Variants in PRAG1 observed in about 807,000 individuals in gnomAD.
The protein encoded by PRAG1 is inactive tyrosine-protein kinase PRAG1.
PRAG1 carries 110 observed loss-of-function variants against 95.6 expected under a neutral mutation model. The observed-to-expected ratio is 1.15, with a 90% CI of 0.99 to 1.35. PRAG1 has a LOEUF of 1.35. Ranked by LOEUF, PRAG1 falls within the 40% of genes most tolerant of loss-of-function variation. PRAG1 has a pLI of 0.00. For missense variants in PRAG1, 2,554 were observed against 1,864.7 expected, an observed-to-expected ratio of 1.37 and a Z score of -6.81; for synonymous variants, 1,052 against 819.4, an observed-to-expected ratio of 1.28 and a Z score of -4.85.
Position 8,318,837 on chromosome 8 carries a change from G to A in PRAG1, c.3538C>T (p.Pro1180Ser). The change falls in exon 6 of 6, where the codon CCC (proline) becomes TCC (serine). Residue 1180 changes from proline to serine, a missense_variant. Physicochemically the swap from Pro to Ser is moderately conservative, Grantham distance 74. Coordinates refer to ENST00000615670, the MANE Select transcript of PRAG1 (RefSeq NM_001080826.3). The surrounding 1 kb of genome is among the most constrained non-coding windows in gnomAD (Gnocchi z 4.2). ...PAPAPAAAAP[P>S]CSSAAPPAGG... Reference sequence around the variant, plus strand: ...GCAGGCGGGGCGGCAGAGGAGCAGGGAGGCGCGGCGGCGGCGGGGGCGGGA... The same window carrying A: ...GCAGGCGGGGCGGCAGAGGAGCAGGAAGGCGCGGCGGCGGCGGGGGCGGGA... The A allele has an allele frequency of 1.5e-6, 2 of 1,297,772 alleles. No homozygotes were observed. The highest frequency in any genetic ancestry group is 2.0e-6 in the Non-Finnish European group (2 of 1,021,290). The allele number at this position is 1,297,772 out of a possible 1,614,324, so 80.4% of individuals were successfully genotyped here.
At chr8:8,337,386 G>A (rs1240115448) in intron 4 of PRAG1, among the ~76,000 whole-genome samples, 2 of 152,178 alleles carry the variant, frequency 1.3e-5, no homozygotes, top group Admixed American at 6.5e-5. Context: ...GGTGAGAAGT[G>A]AATGAAGGAT....
chr8:8,364,848 C>T (rs1799952449), intron 3 of PRAG1, among the ~76,000 whole-genome samples: 1 of 152,092 alleles, frequency 6.6e-6, no homozygotes, highest in South Asian at 2.1e-4. Flanking sequence ...CTTCTCTATT[C>T]TACATGCAAA....
At chr8:8,361,140 A>G (rs1029809698) in intron 3 of PRAG1, among the ~76,000 whole-genome samples, 1 of 152,204 alleles carries the variant, frequency 6.6e-6, no homozygotes, top group African/African-American at 2.4e-5. Flanking sequence ...CCTCAGACCC[A>G]GTTAGGGGAG....
intron 3 of PRAG1, among the ~76,000 whole-genome samples, chr8:8,354,719 A>G (rs1419724221): frequency 6.6e-6 from 1 of 152,214 alleles, no homozygotes; most frequent in Non-Finnish European, 1.5e-5. Flanking sequence ...GACAAGGTAC[A>G]GCATCCTTTC....
intron 2 of PRAG1, among the ~76,000 whole-genome samples, chr8:8,380,330 G>A (rs1297875753): frequency 6.6e-6 from 1 of 152,084 alleles, no homozygotes; most frequent in East Asian, 1.9e-4. Context: ...CAGGCGCGGT[G>A]GCTCACGCCT....
In PRAG1 at chr8:8,386,359, G is replaced by A. The variant is rs1192431545; in HGVS notation, c.-126C>T. 1 of 152,270 alleles carries A rather than the reference G, an allele frequency of 6.6e-6. No individual in the cohort carries two copies. The highest frequency in any genetic ancestry group is 1.5e-5 in the Non-Finnish European group (1 of 68,138). The allele number at this position is 152,270 out of a possible 1,614,324, so 9.4% of individuals were successfully genotyped here. A position where few individuals can be genotyped will look rare whatever the true frequency, so the allele number is the denominator to read the frequency against. ...TCCCCCGGCCCCTCCGTCGGTCTCCGAGCCGCCAGCCGCCCGGCCGGAGCA... is the reference window on the plus strand; with the variant it reads ...TCCCCCGGCCCCTCCGTCGGTCTCCAAGCCGCCAGCCGCCCGGCCGGAGCA... On this transcript the variant is annotated 5_prime_UTR_variant, in exon 1 of 6. Transcript: ENST00000615670.
rs774529128 is a variant in PRAG1 at position 8,377,440 on chromosome 8, C to G, written c.969G>C (p.Leu323=). The change falls in exon 3 of 6, where the codon CTG becomes CTC. Residue 323 remains leucine (L), a synonymous_variant. Transcript: ENST00000615670. ...AGGTGAGGGACAGTTTCTTGGGGCC[C>G]AGGCAGGATGGGTGGGCAGTGGGGC... ...SQGPTAHPSC[L]GPKKLSLTSE... 10 of 1,556,152 alleles carry G rather than the reference C, an allele frequency of 6.4e-6. No individual in the cohort carries two copies. In the Admixed American group the frequency reaches 1.9e-4, roughly 29 times the overall value.
In PRAG1 at chr8:8,319,199, G is replaced by A. The variant is rs773243396; in HGVS notation, c.3176C>T (p.Pro1059Leu). Residue 1059 changes from proline (P) to leucine (L), a missense_variant, in exon 6 of 6, where the codon CCG becomes CTG. By Grantham distance (98) the Pro-to-Leu change is moderately conservative. Coordinates refer to ENST00000615670, the MANE Select transcript of PRAG1 (RefSeq NM_001080826.3). ...QDCGHFVASV[P>L]SSMLSSPDAP... Reference sequence around the variant, plus strand: ...GTCGGGGGAGCTGAGCATGCTGGACGGCACCGAGGCGACGAAGTGGCCGCA... The same window carrying A: ...GTCGGGGGAGCTGAGCATGCTGGACAGCACCGAGGCGACGAAGTGGCCGCA... 5 of 1,592,386 alleles carry A rather than the reference G, an allele frequency of 3.1e-6. No homozygotes were observed. Among genetic ancestry groups the A allele is most frequent in the Non-Finnish European group, 4.3e-6 (5 of 1,166,444 alleles).
intron 1 of PRAG1, among the ~76,000 whole-genome samples, chr8:8,383,296 C>T (rs1018870123): frequency 3.9e-5 from 6 of 152,150 alleles, no homozygotes; most frequent in African/African-American, 9.7e-5. Context: ...TGAGGCCAGG[C>T]GCGGTGGCTC....
At chr8:8,320,282 C>A (rs1334381618) in intron 5 of PRAG1, among the ~76,000 whole-genome samples, 2 of 152,114 alleles carry the variant, frequency 1.3e-5, no homozygotes, top group Admixed American at 1.3e-4. Flanking sequence ...CAGAAGGAAC[C>A]CTCAGAGGAA....
At chr8:8,372,313 C>A (rs1373161143) in intron 3 of PRAG1, among the ~76,000 whole-genome samples, 1 of 152,196 alleles carries the variant, frequency 6.6e-6, no homozygotes, top group Non-Finnish European at 1.5e-5. Flanking sequence ...AGCCACCATG[C>A]CTGGCCAAAT....
Position 8,377,925 on chromosome 8 carries a change from C to A in PRAG1, c.484G>T (p.Val162Phe), listed in dbSNP as rs1800484536. The A allele has an allele frequency of 6.2e-7, 1 of 1,613,922 alleles. No homozygotes were observed. Among genetic ancestry groups the A allele is most frequent in the Admixed American group, 1.7e-5 (1 of 59,998 alleles). ...NSRCPPAYTM[V>F]GLHNLEPRGE... ...CGGGGCTCAAGGTTGTGCAGGCCGA[C>A]CATGGTGTAAGCTGGGGGACAGCGA... The change falls in exon 3 of 6, where the codon GTC becomes TTC. Residue 162 changes from valine (V) to phenylalanine (F), a missense_variant. Coordinates refer to ENST00000615670, the MANE Select transcript of PRAG1 (RefSeq NM_001080826.3).
chr8:8,319,321 G>C lies in PRAG1; in HGVS notation c.3073-19C>G, dbSNP rs755379040. 2 of 1,489,648 alleles carry C rather than the reference G, an allele frequency of 1.3e-6. No homozygotes were observed. Among genetic ancestry groups the C allele is most frequent in the Non-Finnish European group, 1.8e-6 (2 of 1,117,712 alleles). 92.3% of individuals were successfully genotyped at this position (1,489,648 alleles called of 1,614,324 possible). On this transcript the variant is annotated intron_variant, in intron 5 of 5. Coordinates refer to ENST00000615670, the MANE Select transcript of PRAG1 (RefSeq NM_001080826.3). ...TGCAGATCTGTGGAGAGAAGAAGAAGTGAAATCAAGAGTGGGGCCCATGGT... is the reference window on the plus strand; with the variant it reads ...TGCAGATCTGTGGAGAGAAGAAGAACTGAAATCAAGAGTGGGGCCCATGGT...
Position 8,377,778 on chromosome 8 carries a change from G to C in PRAG1, c.631C>G (p.Leu211Val). The stretch of plus-strand genomic sequence containing the variant: ...GATGTGGTCCCAGCAAAGGCAGCCA[G>C]TTTCTGGCGGAAGCTCTCCTGGGTG... The part of the protein sequence containing the change: ...PSTQESFRQK[L>V]AAFAGTTSGC... The change falls in exon 3 of 6, where the codon CTG becomes GTG. Residue 211 changes from leucine (L) to valine (V), a missense_variant. By Grantham distance (32) the Leu-to-Val change is conservative (BLOSUM62 1). Coordinates refer to ENST00000615670, the MANE Select transcript of PRAG1 (RefSeq NM_001080826.3). 6.2e-7 allele frequency: 1 copy of C among 1,614,168 alleles called. No homozygotes were observed. Among genetic ancestry groups the C allele is most frequent in the Non-Finnish European group, 8.5e-7 (1 of 1,180,040 alleles).
chr8:8,337,553 G>A (rs1439894311), intron 4 of PRAG1, among the ~76,000 whole-genome samples: 2 of 152,210 alleles, frequency 1.3e-5, no homozygotes, highest in East Asian at 1.9e-4. Context: ...ATGGTTCCGG[G>A]TACAGAGAGC....
At chr8:8,382,131 G>A (rs1055895941) in intron 1 of PRAG1, among the ~76,000 whole-genome samples, 1 of 152,136 alleles carries the variant, frequency 6.6e-6, no homozygotes, top group Non-Finnish European at 1.5e-5. Flanking sequence ...ATCCTGGGAG[G>A]TTTTGGGCAG....
At position 8,377,695 on chromosome 8, in the gene PRAG1, A is replaced by C. The variant is rs746135110; in HGVS notation, c.714T>G (p.Ser238Arg). The C allele has an allele frequency of 1.9e-6, 3 of 1,613,760 alleles. No individual in the cohort carries two copies. In the African/African-American group the frequency reaches 4.0e-5, roughly 22 times the overall value. Residue 238 changes from serine to arginine, a missense_variant, in exon 3 of 6, where the codon AGT (serine) becomes AGG (arginine). Coordinates refer to ENST00000615670, the MANE Select transcript of PRAG1 (RefSeq NM_001080826.3). ...CCCCGGAGGGCGAGCACCTTTGATC[A>C]CTGTCATCCTCCGAGGGCAGGGATT... The part of the protein sequence containing the change: ...LRESLPSEDD[S>R]DQRCSPSGDS...
At position 8,377,357 on chromosome 8, in the gene PRAG1, C is replaced by A. The variant is rs1325093647; in HGVS notation, c.1052G>T (p.Ser351Ile). The change falls in exon 3 of 6, where the codon AGC (serine) becomes ATC (isoleucine). Residue 351 changes from serine (S) to isoleucine (I), a missense_variant. Coordinates refer to ENST00000615670, the MANE Select transcript of PRAG1 (RefSeq NM_001080826.3). ...LSCGSGSGSGSGASSPFVPHL... is the reference protein window; with the variant it reads ...LSCGSGSGSGIGASSPFVPHL... The stretch of plus-strand genomic sequence containing the variant: ...GGGGACGAAGGGGCTACTGGCGCCG[C>A]TGCCGCTGCCGCTGCCGCTGCCACA... The A allele has an allele frequency of 6.4e-6, 3 of 465,136 alleles. No individual in the cohort carries two copies. The highest frequency in any genetic ancestry group is 6.1e-5 in the African/African-American group (3 of 49,388). The allele number at this position is 465,136 out of a possible 1,614,324, so 28.8% of individuals were successfully genotyped here.
In PRAG1 at chr8:8,377,634, A is replaced by G; in HGVS notation, c.775T>C (p.Cys259Arg). 6.2e-7 allele frequency: 1 copy of G among 1,613,558 alleles called. No homozygotes were observed. Among genetic ancestry groups the G allele is most frequent in the African/African-American group, 1.3e-5 (1 of 75,054 alleles). Residue 259 changes from cysteine to arginine, a missense_variant, in exon 3 of 6, where the codon TGC becomes CGC. Physicochemically the swap from Cys to Arg is radical, Grantham distance 180. Coordinates refer to ENST00000615670, the MANE Select transcript of PRAG1 (RefSeq NM_001080826.3). ...TTGGCAACAGGGCTCCCAGGGCAGC[A>G]GTCCAGGATGGAGCAGTACTCTCCA... The part of the protein sequence containing the change: ...EGGEYCSILD[C>R]CPGSPVAKAA...
Sources: gnomAD v4.1 joint callset for allele counts (sites outside exome capture counted in the v4.1 genomes callset) on GRCh38, gnomAD v4.1.1 for gene constraint, Gnocchi (gnomAD v3.1) non-coding constraint, MANE v1.5 for transcripts, NCBI Gene and HGNC (gene_info 2026-07-23, HGNC 2026-07-21) for gene names.